CELF4: variants seen among roughly 807,000 people sequenced by gnomAD.
CELF4 encodes the protein CUGBP Elav-like family member 4.
CELF4 carries 18 observed loss-of-function variants against 59.9 expected under a neutral mutation model. The observed-to-expected ratio is 0.30, with a 90% CI of 0.21 to 0.45. The LOEUF is 0.45. Ranked by LOEUF, CELF4 falls within the 20% of genes least tolerant of loss-of-function variation. CELF4 has a pLI of 1.00. For synonymous variants in CELF4, 261 were observed against 267.1 expected (o/e 0.98, Z 0.22); for missense variants, 456 against 689.0 (o/e 0.66, Z 3.79).
chr18:37,555,214 C>T lies in CELF4; in HGVS notation c.286+10142G>A, dbSNP rs577669313. Among the ~76,000 whole-genome samples, 11 of 152,334 alleles carry T rather than the reference C, an allele frequency of 7.2e-5. No homozygotes were observed. The East Asian group carries it at 1.9e-3, about 27-fold the overall frequency. On this transcript the variant is annotated intron_variant, in intron 1 of 12. Transcript: ENST00000420428. ...ACACAGCGGGGGCAAGCATGCTTTC[C>T]GTGCCTCATCCGGTGAGACCAAGCC...
At chr18:37,312,110 C>CAAAAAA (rs59872500) in intron 3 of CELF4, among the ~76,000 whole-genome samples, 4 of 50,714 alleles carry the variant, frequency 7.9e-5, no homozygotes, top group African/African-American at 2.9e-4. Context: ...GATTCCGTCT[C>CAAAAAA]AAAAAAAAAA....
intron 2 of CELF4, among the ~76,000 whole-genome samples, chr18:37,351,118 AG>A (rs528785061): frequency 7.3e-4 from 111 of 151,220 alleles, no homozygotes; most frequent in African/African-American, 2.6e-3. Context: ...GGTGGGGGAG[AG>A]GGGGGCTGGA....
intron 3 of CELF4, among the ~76,000 whole-genome samples, chr18:37,284,103 A>G (rs1242270648): frequency 6.7e-6 from 1 of 148,858 alleles, no homozygotes; most frequent in Non-Finnish European, 1.5e-5. Context: ...ACACACACCA[A>G]TATGCACACC....
chr18:37,404,289 C>T (rs1362258904), intron 2 of CELF4, among the ~76,000 whole-genome samples: 1 of 152,230 alleles, frequency 6.6e-6, no homozygotes, highest in Non-Finnish European at 1.5e-5. Context: ...AGCAGAAGGT[C>T]TCAGTCACAT....
chr18:37,467,053 T>C (rs970576584), intron 2 of CELF4, among the ~76,000 whole-genome samples: 2 of 151,914 alleles, frequency 1.3e-5, no homozygotes, highest in African/African-American at 4.8e-5. Context: ...ACAAGATGAG[T>C]GACTGAGTCA....
chr18:37,330,128 G>C (rs984117679), intron 2 of CELF4, among the ~76,000 whole-genome samples: 1 of 152,254 alleles, frequency 6.6e-6, no homozygotes, highest in Non-Finnish European at 1.5e-5. Context: ...CAGTGAGCTT[G>C]TGGGGATCAA....
intron 2 of CELF4, among the ~76,000 whole-genome samples, chr18:37,479,617 G>T (rs906278784): frequency 6.6e-6 from 1 of 152,174 alleles, no homozygotes; most frequent in African/African-American, 2.4e-5. Flanking sequence ...AAAGAAAAAA[G>T]CATGAATCCA....
rs2060913827 is a variant in CELF4, at chr18:37,243,291, G to A, written c.*1951C>T. ...AACAACAAAATTGACAGAAAGAAAGGAAAGGCAGGAGGCCCTAGAGGAACT... is the reference window on the plus strand; with the variant it reads ...AACAACAAAATTGACAGAAAGAAAGAAAAGGCAGGAGGCCCTAGAGGAACT... On this transcript the variant is annotated 3_prime_UTR_variant, in exon 13 of 13. Transcript: ENST00000420428. 6.7e-6 allele frequency: 1 copy of A among 148,434 alleles called. No homozygotes were observed. Among genetic ancestry groups the A allele is most frequent in the South Asian group, 2.1e-4 (1 of 4,736 alleles). 9.2% of individuals were successfully genotyped at this position (148,434 alleles called of 1,614,324 possible).
intron 2 of CELF4, among the ~76,000 whole-genome samples, chr18:37,393,156 A>T (rs913708921): frequency 9.2e-5 from 14 of 152,054 alleles, no homozygotes; most frequent in African/African-American, 3.4e-4. Flanking sequence ...GACAGGGTAC[A>T]GGCTTGAGGA....
At chr18:37,330,723 C>T (rs895548547) in intron 2 of CELF4, among the ~76,000 whole-genome samples, 1 of 152,186 alleles carries the variant, frequency 6.6e-6, no homozygotes, top group South Asian at 2.1e-4. Flanking sequence ...CCTGTCATGA[C>T]CCTCGTTCCC....
At chr18:37,258,461 G>A (rs980205759) in intron 11 of CELF4, among the ~76,000 whole-genome samples, 11 of 152,052 alleles carry the variant, frequency 7.2e-5, no homozygotes, top group Admixed American at 3.9e-4. Flanking sequence ...TAGGTGCCTC[G>A]CAGATTTCAC....
At chr18:37,397,154 G>C (rs2099255447) in intron 2 of CELF4, among the ~76,000 whole-genome samples, 1 of 152,180 alleles carries the variant, frequency 6.6e-6, no homozygotes, top group African/African-American at 2.4e-5. Context: ...AAGGACTGCT[G>C]CTGTCCTCTC....
At chr18:37,302,479 G>A (rs762509590) in intron 3 of CELF4, among the ~76,000 whole-genome samples, 12 of 152,062 alleles carry the variant, frequency 7.9e-5, no homozygotes, top group Non-Finnish European at 1.2e-4. Flanking sequence ...CCCTTCTGAT[G>A]AGGGCACAAG....
At chr18:37,266,479 G>A (rs760461077) in intron 9 of CELF4, 54 bp downstream of exon 9, 41 of 1,503,082 alleles carry the variant, frequency 2.7e-5, no homozygotes, top group Admixed American at 9.8e-5. Context: ...TGTCACAGGC[G>A]TGGAGAGATA....
At chr18:37,270,400 T>C (rs1569377088) in intron 8 of CELF4, among the ~76,000 whole-genome samples, 2 of 152,242 alleles carry the variant, frequency 1.3e-5, no homozygotes, top group Non-Finnish European at 2.9e-5. Context: ...CCCTGATTGT[T>C]CTTCTAGTTT....
chr18:37,420,953 G>A (rs2099574233), intron 2 of CELF4, among the ~76,000 whole-genome samples: 1 of 152,174 alleles, frequency 6.6e-6, no homozygotes, highest in Non-Finnish European at 1.5e-5. Context: ...ATCCAATTCA[G>A]GTAAGAACTT....
intron 1 of CELF4, 142 bp from the exon 2 acceptor site, chr18:37,485,749 T>C: frequency 2.6e-6 from 1 of 379,074 alleles, no homozygotes; most frequent in Non-Finnish European, 4.6e-6. Context: ...CCGTGCACTG[T>C]TCTCGGAGCT....
chr18:37,487,082 T>A (rs1468877809), intron 1 of CELF4, among the ~76,000 whole-genome samples: 1 of 152,218 alleles, frequency 6.6e-6, no homozygotes, highest in African/African-American at 2.4e-5. Flanking sequence ...GCCCACAGGC[T>A]GCTGGTGCCA....
intron 3 of CELF4, among the ~76,000 whole-genome samples, chr18:37,311,774 A>G (rs1175652110): frequency 3.4e-3 from 376 of 110,608 alleles, no homozygotes; most frequent in Middle Eastern, 0.027. Context: ...GGGCGACAGA[A>G]CCAGACTCCG....
Sources: gnomAD v4.1 joint callset for allele counts (sites outside exome capture counted in the v4.1 genomes callset) on GRCh38, gnomAD v4.1.1 for gene constraint, MANE v1.5 for transcripts, NCBI Gene and HGNC (gene_info 2026-07-23, HGNC 2026-07-21) for gene names.